Variants in FAM83F observed in about 807,000 individuals in gnomAD.
FAM83F encodes the protein scaffolding CK1 anchoring protein F, also known as protein FAM83F.
Under a neutral mutation model 42.9 loss-of-function variants are expected in FAM83F, and 45 were observed. The observed-to-expected ratio is 1.05, with a 90% confidence interval of 0.83 to 1.35. The LOEUF is 1.35. Among genes scored for constraint, FAM83F ranks in the 40% most tolerant of loss-of-function variants. FAM83F has a pLI of 0.00. For missense variants in FAM83F, 617 were observed against 695.9 expected (o/e 0.89, Z 1.28); for synonymous variants, 306 against 298.3 (o/e 1.03, Z -0.27).
rs936605840 is a variant in FAM83F at position 39,995,452 on chromosome 22, T to C, written c.410T>C (p.Leu137Pro). The C allele has an allele frequency of 3.2e-6, 5 of 1,565,728 alleles. No individual in the cohort carries two copies. The highest frequency in any genetic ancestry group is 1.4e-5 in the African/African-American group (1 of 73,538). Residue 137 changes from leucine to proline, a missense_variant, in exon 1 of 5, where the codon CTC becomes CCC. Transcript: ENST00000333407. This position sits in a 1 kb window ranked among gnomAD's most constrained non-coding sequence, Gnocchi z 4.6. ...TACCGCGGCGTGAGCCGGGTCACGC[T>C]CTTCACCCACCCGCCCAAGGACGAG... ...GFYRGVSRVT[L>P]FTHPPKDEKA...
Position 40,031,386 on chromosome 22 carries a change from T to A in FAM83F, c.*1821T>A, listed in dbSNP as rs1209364099. 6.6e-6 allele frequency: 1 copy of A among 152,006 alleles called. No homozygotes were observed. Among genetic ancestry groups the A allele is most frequent in the East Asian group, 1.9e-4 (1 of 5,168 alleles). The allele number at this position is 152,006 out of a possible 1,614,324, so 9.4% of individuals were successfully genotyped here. Reference sequence around the variant, plus strand: ...TGTGGAGGGTGGGTGTCTCTGGGGATTAGGGAGGCAGCCTGGGGAAGGGAC... The same window carrying A: ...TGTGGAGGGTGGGTGTCTCTGGGGAATAGGGAGGCAGCCTGGGGAAGGGAC... On this transcript the variant is annotated 3_prime_UTR_variant, in exon 5 of 5. Transcript: ENST00000333407.
At chr22:40,028,759 G>A (rs1232843850) in intron 4 of FAM83F, among the ~76,000 whole-genome samples, 2 of 152,202 alleles carry the variant, frequency 1.3e-5, no homozygotes, top group East Asian at 1.9e-4. Context: ...TACAGGCAGC[G>A]CGTTCCTCTC....
At chr22:40,026,974 G>T (rs183614085) in intron 4 of FAM83F, among the ~76,000 whole-genome samples, 44 of 152,290 alleles carry the variant, frequency 2.9e-4, no homozygotes, top group African/African-American at 1.0e-3. Flanking sequence ...GCTCGCCGTT[G>T]CTGTCTCATG....
At chr22:40,018,601 G>A (rs1180856939) in intron 1 of FAM83F, among the ~76,000 whole-genome samples, 2 of 141,296 alleles carry the variant, frequency 1.4e-5, no homozygotes, top group African/African-American at 2.8e-5. Flanking sequence ...ACCACGCCTG[G>A]CTAATTTTTT....
intron 1 of FAM83F, among the ~76,000 whole-genome samples, chr22:40,011,479 T>C (rs1007945136): frequency 6.6e-6 from 1 of 152,130 alleles, no homozygotes; most frequent in African/African-American, 2.4e-5. Context: ...GTGCTCCTGA[T>C]AGTTTATCTC....
At position 40,019,317 on chromosome 22, in the gene FAM83F, C is replaced by T. The variant is rs2067507364; in HGVS notation, c.639C>T (p.Leu213=). 1 of 1,613,934 alleles carries T rather than the reference C, an allele frequency of 6.2e-7. No individual in the cohort carries two copies. The highest frequency in any genetic ancestry group is 2.2e-5 in the East Asian group (1 of 44,878). ...TGGAGATGTGTCAGGACCTGCAGCT[C>T]ACTGACTTCCGGATTCGGGTAAGTT... ...YFLEMCQDLQ[L]TDFRIRNIRV... The change falls in exon 2 of 5, where the codon CTC becomes CTT. Residue 213 remains leucine (L), a synonymous_variant. Coordinates refer to ENST00000333407, the MANE Select transcript of FAM83F (RefSeq NM_138435.4).
chr22:40,016,140 A>T (rs1389797111), intron 1 of FAM83F, among the ~76,000 whole-genome samples: 1 of 152,168 alleles, frequency 6.6e-6, no homozygotes, highest in African/African-American at 2.4e-5. Flanking sequence ...TTGGTCAGGA[A>T]GTCTCATTGG....
In FAM83F at chr22:40,038,338, A is replaced by G. The variant is rs1401583192; in HGVS notation, c.*8773A>G. The G allele has an allele frequency of 6.6e-6, 1 of 152,432 alleles. No homozygotes were observed. Among genetic ancestry groups the G allele is most frequent in the East Asian group, 1.9e-4 (1 of 5,194 alleles). The allele number at this position is 152,432 out of a possible 1,614,324, so 9.4% of individuals were successfully genotyped here. The stretch of plus-strand genomic sequence containing the variant: ...GGCAAGGCATTCCAGGGAAAGGTCC[A>G]GAGCCTAGACAGAACTCTTTTAGGA... On this transcript the variant is annotated 3_prime_UTR_variant, in exon 5 of 5. Coordinates refer to ENST00000333407, the MANE Select transcript of FAM83F (RefSeq NM_138435.4).
chr22:40,020,351 G>A (rs921522593), intron 3 of FAM83F, among the ~76,000 whole-genome samples: 2 of 148,864 alleles, frequency 1.3e-5, no homozygotes, highest in African/African-American at 5.0e-5. Context: ...AGGGAATGTC[G>A]CCAGAATTTT....
intron 2 of FAM83F, 44 bp from the exon 3 acceptor site, chr22:40,019,843 G>T (rs1398616303): frequency 2.5e-6 from 4 of 1,570,524 alleles, no homozygotes; most frequent in Non-Finnish European, 2.6e-6. Context: ...TGGCACGGAG[G>T]CTGGCCCAAC....
In FAM83F at chr22:40,042,030, T is replaced by C. The variant is rs186090775; in HGVS notation, c.*12465T>C. 6.6e-6 allele frequency: 1 copy of C among 152,186 alleles called. No homozygotes were observed. The highest frequency in any genetic ancestry group is 1.9e-4 in the East Asian group (1 of 5,170). The allele number at this position is 152,186 out of a possible 1,614,324, so 9.4% of individuals were successfully genotyped here. On this transcript the variant is annotated 3_prime_UTR_variant, in exon 5 of 5. Transcript: ENST00000333407. Reference sequence around the variant, plus strand: ...CAGGCCACCATGCGCAACTATTTATTTTCTTTCTTTTTGTAGAAATGGGCT... The same window carrying C: ...CAGGCCACCATGCGCAACTATTTATCTTCTTTCTTTTTGTAGAAATGGGCT...
intron 3 of FAM83F, 44 bp downstream of exon 3, chr22:40,020,052 C>G: frequency 6.3e-7 from 1 of 1,577,392 alleles, no homozygotes; most frequent in Non-Finnish European, 8.6e-7. Context: ...GGCCTTGATT[C>G]CAGGTAGGTG....
At position 40,035,196 on chromosome 22, in the gene FAM83F, A is replaced by G. The variant is rs1442659319; in HGVS notation, c.*5631A>G. ...AGAAGTTAGGGCATTGCCTGCAGCCACTGAAAAGCAGCTTTAGGAGCAGAT... is the reference window on the plus strand; with the variant it reads ...AGAAGTTAGGGCATTGCCTGCAGCCGCTGAAAAGCAGCTTTAGGAGCAGAT... On this transcript the variant is annotated 3_prime_UTR_variant, in exon 5 of 5. Coordinates refer to ENST00000333407, the MANE Select transcript of FAM83F (RefSeq NM_138435.4). 2.0e-5 allele frequency: 3 copies of G among 152,270 alleles called. No individual in the cohort carries two copies. The highest frequency in any genetic ancestry group is 2.0e-4 in the Admixed American group (3 of 15,290). The allele number at this position is 152,270 out of a possible 1,614,324, so 9.4% of individuals were successfully genotyped here.
rs1191576989 is a variant in FAM83F at position 40,033,506 on chromosome 22, T to A, written c.*3941T>A. On this transcript the variant is annotated 3_prime_UTR_variant, in exon 5 of 5. Coordinates refer to ENST00000333407, the MANE Select transcript of FAM83F (RefSeq NM_138435.4). ...GAGCTCAGGGTCTTGGCAATGGTGA[T>A]GCTTTGGAGCTGCAGAATCCTCTGT... The A allele has an allele frequency of 1.3e-5, 2 of 152,372 alleles. No homozygotes were observed. The highest frequency in any genetic ancestry group is 6.5e-5 in the Admixed American group (1 of 15,284). The allele number at this position is 152,372 out of a possible 1,614,324, so 9.4% of individuals were successfully genotyped here. A position where few individuals can be genotyped will look rare whatever the true frequency, so the allele number is the denominator to read the frequency against.
intron 4 of FAM83F, among the ~76,000 whole-genome samples, chr22:40,026,021 A>T (rs1347129135): frequency 6.6e-6 from 1 of 152,240 alleles, no homozygotes; most frequent in Admixed American, 6.5e-5. Flanking sequence ...GCCATACTCC[A>T]TCACATGGAA....
intron 2 of FAM83F, 41 bp from the exon 3 acceptor site, chr22:40,019,846 G>T: frequency 6.3e-7 from 1 of 1,576,382 alleles, no homozygotes; most frequent in Non-Finnish European, 8.6e-7. Context: ...CACGGAGGCT[G>T]GCCCAACCCA....
intron 1 of FAM83F, among the ~76,000 whole-genome samples, chr22:39,999,636 A>G (rs759643477): frequency 3.3e-5 from 5 of 152,228 alleles, no homozygotes; most frequent in Non-Finnish European, 7.3e-5. Context: ...AGGAGGTTAC[A>G]CAACATCCCC....
In FAM83F at chr22:40,021,844, G is replaced by A. The variant is rs866631456; in HGVS notation, c.1334G>A (p.Arg445His). Residue 445 changes from arginine (R) to histidine (H), a missense_variant, in exon 4 of 5, where the codon CGC becomes CAC. Coordinates refer to ENST00000333407, the MANE Select transcript of FAM83F (RefSeq NM_138435.4). The surrounding 1 kb of genome is among the most constrained non-coding windows in gnomAD (Gnocchi z 8.7). The stretch of plus-strand genomic sequence containing the variant: ...CGCTTCAGCAGCAGGCTCTTCAGTC[G>A]CCGAGCCAAGAGGCCTGCGGCGCCC... ...ARRFSSRLFS[R>H]RAKRPAAPNG... The A allele has an allele frequency of 1.9e-5, 31 of 1,612,286 alleles. No homozygotes were observed. Among genetic ancestry groups the A allele is most frequent in the South Asian group, 4.4e-5 (4 of 91,028 alleles).
chr22:40,000,110 T>C (rs2067391607), intron 1 of FAM83F, among the ~76,000 whole-genome samples: 1 of 152,348 alleles, frequency 6.6e-6, no homozygotes, highest in African/African-American at 2.4e-5. Context: ...CTGTCTTCTA[T>C]TGGCCGCCTG....
Sources: allele counts gnomAD v4.1 joint callset (sites outside exome capture counted in the v4.1 genomes callset), GRCh38; gene constraint gnomAD v4.1.1; non-coding constraint Gnocchi (gnomAD v3.1); transcripts MANE v1.5; gene names NCBI Gene and HGNC (gene_info 2026-07-23, HGNC 2026-07-21).